ABCA12: variants seen among roughly 807,000 people sequenced by gnomAD.
ABCA12 encodes ATP binding cassette subfamily A member 12.
Under a neutral mutation model 293.5 loss-of-function variants are expected in ABCA12, and 156 were observed. The observed-to-expected ratio is 0.53, with a 90% confidence interval of 0.47 to 0.61. The LOEUF (loss-of-function observed/expected upper bound fraction) is 0.61, where lower values mean the gene tolerates loss of function less well. ABCA12 is among the 20% of genes least tolerant of loss of function. ABCA12 has a pLI of 0.00. For missense variants in ABCA12, 2,797 were observed against 3,090.2 expected, an observed-to-expected ratio of 0.91 and a Z score of 2.25; for synonymous variants, 1,063 against 1,108.0, an observed-to-expected ratio of 0.96 and a Z score of 0.81.
In ABCA12 at chr2:214,975,865, C is replaced by T. The variant is rs1489503999; in HGVS notation, c.5301G>A (p.Leu1767=). The T allele has an allele frequency of 2.5e-6, 4 of 1,614,068 alleles. No homozygotes were observed. The highest frequency in any genetic ancestry group is 3.3e-5 in the Admixed American group (2 of 60,010). Residue 1767 remains leucine, a synonymous_variant, in exon 34 of 53, where the codon CTG becomes CTA. Coordinates refer to ENST00000272895, the MANE Select transcript of ABCA12 (RefSeq NM_173076.3). ...CTGGATAACTGTTGCTGGAATTTCT[C>T]AGTGTGCCAAGGCCCATGGCAGTGG... ...FVTTAMGLGT[L]RNSSNSYPEI... is the part of the protein sequence containing the mutation.
At position 215,011,406 on chromosome 2, in the gene ABCA12, G is replaced by A. The variant is rs1448112380; in HGVS notation, c.2332+33C>T. The A allele has an allele frequency of 3.4e-6, 5 of 1,475,492 alleles. No homozygotes were observed. The African/African-American group carries it at 7.0e-5, about 21-fold the overall frequency. The allele number at this position is 1,475,492 out of a possible 1,614,324, so 91.4% of individuals were successfully genotyped here. A position where few individuals can be genotyped will look rare whatever the true frequency, so the allele number is the denominator to read the frequency against. On this transcript the variant is annotated intron_variant, in intron 17 of 52. Transcript: ENST00000272895. ...GACAGTATTCTTATTGTCATTAAGGGCAACTGTCATGCTTATTTTAAAGTA... is the reference window on the plus strand; with the variant it reads ...GACAGTATTCTTATTGTCATTAAGGACAACTGTCATGCTTATTTTAAAGTA...
chr2:214,968,677 C>G, intron 38 of ABCA12, 43 bp downstream of exon 38: 1 of 1,565,262 alleles, frequency 6.4e-7, no homozygotes, highest in Non-Finnish European at 8.8e-7. Flanking sequence ...TCAATTTCAC[C>G]TTCTCATTTG....
At chr2:215,044,658 T>G (rs1701165865) in intron 7 of ABCA12, 1 of 152,184 alleles carries the variant, frequency 6.6e-6, no homozygotes, top group Non-Finnish European at 1.5e-5. Context: ...TCTTTAAGTT[T>G]AGGTCCTGGC....
At chr2:215,116,417 T>C (rs1702687300) in intron 1 of ABCA12, among the ~76,000 whole-genome samples, 1 of 152,190 alleles carries the variant, frequency 6.6e-6, no homozygotes. Context: ...GATAGTTATA[T>C]AGCTTGCTTG....
At chr2:215,084,137 C>A (rs62202640) in intron 2 of ABCA12, among the ~76,000 whole-genome samples, 3,871 of 152,120 alleles carry the variant, frequency 0.025, 73 homozygotes, top group Non-Finnish European at 0.041. Flanking sequence ...ACCACCACAC[C>A]TGGCCAAATT....
intron 3 of ABCA12, among the ~76,000 whole-genome samples, chr2:215,058,786 G>T (rs4144852): frequency 0.64 from 97,458 of 151,870 alleles, 31,911 homozygotes; most frequent in African/African-American, 0.77. Flanking sequence ...GCTCTATTTT[G>T]GAGTGGAATT....
intron 7 of ABCA12, among the ~76,000 whole-genome samples, chr2:215,041,527 G>A (rs1701100776): frequency 6.6e-6 from 1 of 150,458 alleles, no homozygotes; most frequent in South Asian, 2.1e-4. Context: ...ACTCCAGCCT[G>A]GGCGACAGAG....
chr2:214,998,406 C>T (rs913600838), intron 22 of ABCA12, among the ~76,000 whole-genome samples: 3 of 152,212 alleles, frequency 2.0e-5, no homozygotes, highest in Non-Finnish European at 2.9e-5. Flanking sequence ...GATCCACCTG[C>T]CTCGGCCTCC....
In ABCA12 at chr2:214,986,390, C is replaced by T. The variant is rs1024942333; in HGVS notation, c.4163+152G>A. 4 of 816,610 alleles carry T rather than the reference C, an allele frequency of 4.9e-6. No individual in the cohort carries two copies. The African/African-American group carries it at 7.0e-5, about 14-fold the overall frequency. 50.6% of individuals were successfully genotyped at this position (816,610 alleles called of 1,614,324 possible). A position where few individuals can be genotyped will look rare whatever the true frequency, so the allele number is the denominator to read the frequency against. On this transcript the variant is annotated intron_variant, in intron 28 of 52. Coordinates refer to ENST00000272895, the MANE Select transcript of ABCA12 (RefSeq NM_173076.3). ...AAAGTATTACAACCTTTGATTTTGA[C>T]TCCATTCTATAGCATACAAGTTGAA...
In ABCA12 at chr2:215,042,070, A is replaced by C. The variant is rs1340434865; in HGVS notation, c.872+3767T>G. On this transcript the variant is annotated intron_variant, in intron 7 of 52. Coordinates refer to ENST00000272895, the MANE Select transcript of ABCA12 (RefSeq NM_173076.3). ...ATGAACAGGCATGGAGTTTCAGTTA[A>C]GCAAGATGAATAAGCTCTAGAGATC... 6.6e-5 allele frequency among the ~76,000 whole-genome samples: 10 copies of C among 152,248 alleles called. No homozygotes were observed. The East Asian group carries it at 1.9e-3, about 29-fold the overall frequency.
chr2:215,017,374 A>G (rs1465830794), intron 14 of ABCA12, among the ~76,000 whole-genome samples: 1 of 152,244 alleles, frequency 6.6e-6, no homozygotes, highest in Non-Finnish European at 1.5e-5. Context: ...TGAAGAAATG[A>G]CATTATTCAT....
In ABCA12 at chr2:214,989,577, A is replaced by G. The variant is rs151198217; in HGVS notation, c.3669T>C (p.Ile1223=). The stretch of plus-strand genomic sequence containing the variant: ...CAATGCCCTGTTCTTCGTATCGTGC[A>G]ATGTATTGGCTTGCATAGCTGAATG... The part of the protein sequence containing the change: ...PTAFSYASQY[I]ARYEEQGIGL... Residue 1223 remains isoleucine (I), a synonymous_variant, in exon 25 of 53, where the codon ATT becomes ATC. Transcript: ENST00000272895. 1.9e-6 allele frequency: 3 copies of G among 1,614,144 alleles called. No homozygotes were observed. Among genetic ancestry groups the G allele is most frequent in the Non-Finnish European group, 2.5e-6 (3 of 1,179,990 alleles).
In ABCA12 at chr2:214,974,852, C is replaced by G. The variant is rs1456385655; in HGVS notation, c.5394G>C (p.Pro1798=). ...TTGCTGAGACAAGTGCTTCCGTGCT[C>G]GGGTGATAATTACTGCAATATGAAA... ...EQTAFYANYH[P]STEALVSAMW... is the part of the protein sequence containing the mutation. Residue 1798 remains proline (P), a synonymous_variant, in exon 35 of 53, where the codon CCG becomes CCC. Coordinates refer to ENST00000272895, the MANE Select transcript of ABCA12 (RefSeq NM_173076.3). 1 of 1,613,804 alleles carries G rather than the reference C, an allele frequency of 6.2e-7. No homozygotes were observed. Among genetic ancestry groups the G allele is most frequent in the Non-Finnish European group, 8.5e-7 (1 of 1,179,898 alleles).
intron 2 of ABCA12, 149 bp from the exon 3 acceptor site, chr2:215,064,368 A>G: frequency 1.3e-6 from 1 of 765,834 alleles, no homozygotes; most frequent in Non-Finnish European, 2.2e-6. Context: ...ACTAACACTC[A>G]CCACTGAGTA....
chr2:215,031,997 T>G, intron 8 of ABCA12, 101 bp from the exon 9 acceptor site: 2 of 1,581,404 alleles, frequency 1.3e-6, no homozygotes, highest in Non-Finnish European at 1.7e-6. Flanking sequence ...GAGGAGAAAA[T>G]GCAGAAATCT....
At chr2:214,949,787 A>G (rs1298788904) in intron 45 of ABCA12, among the ~76,000 whole-genome samples, 1 of 152,184 alleles carries the variant, frequency 6.6e-6, no homozygotes, top group African/African-American at 2.4e-5. Context: ...TGAAGACAGC[A>G]CCCTGAACAG....
chr2:215,023,934 C>T (rs1272960794), intron 11 of ABCA12, among the ~76,000 whole-genome samples: 4 of 152,148 alleles, frequency 2.6e-5, no homozygotes, highest in South Asian at 2.1e-4. Flanking sequence ...AATTCCTTGA[C>T]AAGGAAGTCA....
At chr2:215,059,252 T>C (rs1701480030) in intron 3 of ABCA12, among the ~76,000 whole-genome samples, 5 of 152,114 alleles carry the variant, frequency 3.3e-5, no homozygotes, top group African/African-American at 1.2e-4. Flanking sequence ...ACATTTGTCA[T>C]TAACTTTTAA....
Position 214,980,503 on chromosome 2 carries a change from GGT to G in ABCA12, c.4718_4719del (p.His1573ProfsTer18). On this transcript the variant is annotated frameshift_variant, in exon 31 of 53. Coordinates refer to ENST00000272895, the MANE Select transcript of ABCA12 (RefSeq NM_173076.3). LOFTEE classifies it high-confidence loss of function. ...YLKEAFGDGY[H>X]LTLTKKKSPN... ...CCTACCTTCTTCTTGGTAAGCGTGA[GGT>G]GATACCCATCGCCAAAGGCTTCCTT... 6.2e-7 allele frequency: 1 copy of G among 1,613,778 alleles called. No individual in the cohort carries two copies. The highest frequency in any genetic ancestry group is 2.2e-5 in the East Asian group (1 of 44,870).
Sources: allele counts gnomAD v4.1 joint callset (sites outside exome capture counted in the v4.1 genomes callset), GRCh38; gene constraint gnomAD v4.1.1; transcripts MANE v1.5; gene names NCBI Gene and HGNC (gene_info 2026-07-23, HGNC 2026-07-21).